The following NHLRC2 variants were observed in gnomAD, a reference collection of about 807,000 sequenced individuals.
The protein encoded by NHLRC2 is NHL repeat-containing protein 2.
NHLRC2 carries 33 observed loss-of-function variants against 68.1 expected under a neutral mutation model. That is an observed-to-expected ratio of 0.48 (90% CI 0.37 to 0.65). The LOEUF (loss-of-function observed/expected upper bound fraction) is 0.65. NHLRC2 is among the 30% of genes least tolerant of loss of function. NHLRC2 has a pLI of 0.00. For synonymous variants in NHLRC2, 311 were observed against 309.6 expected, an observed-to-expected ratio of 1.00 and a Z score of -0.05; for missense variants, 761 against 853.8, an observed-to-expected ratio of 0.89 and a Z score of 1.35.
intron 2 of NHLRC2, among the ~76,000 whole-genome samples, chr10:113,863,443 C>CTT (rs2134690778): frequency 6.6e-6 from 1 of 152,030 alleles, no homozygotes; most frequent in South Asian, 2.1e-4. Flanking sequence ...TGTAACAAAA[C>CTT]TTATGGCACA....
Position 113,876,981 on chromosome 10 carries a change from A to C in NHLRC2, c.787+5A>C. 6.5e-7 allele frequency: 1 copy of C among 1,537,718 alleles called. No homozygotes were observed. Among genetic ancestry groups the C allele is most frequent in the Non-Finnish European group, 8.8e-7 (1 of 1,139,378 alleles). ...AAATTCAATATAGCATTGGAGGTAA[A>C]ACTTGCTTCTGATTACGATAGATAA... is the stretch of plus-strand genomic sequence containing the variant. On this transcript the variant is annotated splice_donor_5th_base_variant and intron_variant, in intron 3 of 10. Transcript: ENST00000369301.
rs528465588 is a variant in NHLRC2, at chr10:113,896,588, GC to G, written c.1040-1521del. On this transcript the variant is annotated intron_variant, in intron 5 of 10. Transcript: ENST00000369301. ...GCTAGATGATGAGTTAGTGGGTGCAGCGCACCAGCATGGCACATGTATACAA... is the reference window on the plus strand; with the variant it reads ...GCTAGATGATGAGTTAGTGGGTGCAGGCACCAGCATGGCACATGTATACAA... 2.6e-3 allele frequency among the ~76,000 whole-genome samples: 401 copies of G among 152,062 alleles called. 2 individuals carry two copies. The highest frequency in any genetic ancestry group is 9.3e-3 in the African/African-American group (385 of 41,464).
At chr10:113,864,725 A>C (rs1202230858) in intron 2 of NHLRC2, among the ~76,000 whole-genome samples, 5 of 151,772 alleles carry the variant, frequency 3.3e-5, no homozygotes, top group African/African-American at 7.3e-5. Context: ...CACACACACA[A>C]AAATGGGTTT....
chr10:113,898,292 G>A (rs1403862506), intron 6 of NHLRC2, 83 bp downstream of exon 6: 1 of 841,684 alleles, frequency 1.2e-6, no homozygotes, highest in Non-Finnish European at 2.0e-6. Flanking sequence ...CATCCTCACT[G>A]TACCAGTCAG....
chr10:113,908,564 C>A lies in NHLRC2; in HGVS notation c.*28C>A. ...AGCCAGCTAGCTAGCAACCCATTGC[C>A]ACCACCTACTGTCTCCCATCCTGAC... On this transcript the variant is annotated 3_prime_UTR_variant, in exon 11 of 11. Transcript: ENST00000369301. The A allele has an allele frequency of 6.2e-7, 1 of 1,611,362 alleles. No homozygotes were observed. The highest frequency in any genetic ancestry group is 1.1e-5 in the South Asian group (1 of 90,878).
At chr10:113,858,489 T>C (rs1263591606) in intron 1 of NHLRC2, 39 bp from the exon 2 acceptor site, 1 of 1,438,812 alleles carries the variant, frequency 7.0e-7, no homozygotes, top group Non-Finnish European at 9.6e-7. Context: ...ATTTTATCTT[T>C]CTCTTTAATC....
At chr10:113,898,413 C>G (rs536540175) in intron 6 of NHLRC2, among the ~76,000 whole-genome samples, 45 of 152,326 alleles carry the variant, frequency 3.0e-4, no homozygotes, top group Admixed American at 1.9e-3. Context: ...TCCTCTGTTG[C>G]CCAGGCTGAT....
intron 2 of NHLRC2, among the ~76,000 whole-genome samples, chr10:113,860,572 G>A (rs1166329763): frequency 2.0e-5 from 3 of 151,902 alleles, no homozygotes; most frequent in Admixed American, 1.3e-4. Context: ...AAAATAAACC[G>A]ATAGAAATTG....
At position 113,854,846 on chromosome 10, in the gene NHLRC2, C is replaced by A; in HGVS notation, c.-27C>A. ...CAGCGAGACTCTCCCGCGGGCCCGGCGGCCGCATCGGGAGCCCGGCGGAAA... is the reference window on the plus strand; with the variant it reads ...CAGCGAGACTCTCCCGCGGGCCCGGAGGCCGCATCGGGAGCCCGGCGGAAA... On this transcript the variant is annotated 5_prime_UTR_variant, in exon 1 of 11. Coordinates refer to ENST00000369301, the MANE Select transcript of NHLRC2 (RefSeq NM_198514.4). 6.5e-7 allele frequency: 1 copy of A among 1,527,440 alleles called. No homozygotes were observed. The highest frequency in any genetic ancestry group is 1.2e-5 in the South Asian group (1 of 81,622). 94.6% of individuals were successfully genotyped at this position (1,527,440 alleles called of 1,614,324 possible).
rs554461099 is a variant in NHLRC2 at position 113,900,135 on chromosome 10, G to A, written c.1140-1531G>A. ...ACACTGTGCCTTGTGAGTACTTTTAGGGATCTGAATATTCTACAAGCCTTT... is the reference window on the plus strand; with the variant it reads ...ACACTGTGCCTTGTGAGTACTTTTAAGGATCTGAATATTCTACAAGCCTTT... On this transcript the variant is annotated intron_variant, in intron 6 of 10. Transcript: ENST00000369301. Among the ~76,000 whole-genome samples, 548 of 152,202 alleles carry A rather than the reference G, an allele frequency of 3.6e-3. 2 individuals carry two copies. Among genetic ancestry groups the A allele is most frequent in the Middle Eastern group, 6.8e-3 (2 of 294 alleles).
At chr10:113,889,734 G>A (rs558109616) in intron 5 of NHLRC2, among the ~76,000 whole-genome samples, 17 of 151,938 alleles carry the variant, frequency 1.1e-4, no homozygotes, top group Non-Finnish European at 5.9e-5. Context: ...GTCTCCCCCC[G>A]CCATCACCAC....
intron 2 of NHLRC2, among the ~76,000 whole-genome samples, chr10:113,862,487 A>C (rs1449942273): frequency 2.0e-5 from 3 of 150,442 alleles, no homozygotes; most frequent in Middle Eastern, 3.4e-3. Flanking sequence ...AACTAAACAA[A>C]AAAAAAAACA....
At chr10:113,882,243 T>C (rs1038358073) in intron 4 of NHLRC2, among the ~76,000 whole-genome samples, 8 of 151,854 alleles carry the variant, frequency 5.3e-5, no homozygotes, top group East Asian at 1.9e-4. Flanking sequence ...TGTAGAGTTA[T>C]ATGTTTTATG....
rs1846321759 is a variant in NHLRC2, at chr10:113,910,840, T to G, written c.*2304T>G. 6.6e-6 allele frequency: 1 copy of G among 152,222 alleles called. No individual in the cohort carries two copies. Among genetic ancestry groups the G allele is most frequent in the Admixed American group, 6.5e-5 (1 of 15,288 alleles). 9.4% of individuals were successfully genotyped at this position (152,222 alleles called of 1,614,324 possible). A position where few individuals can be genotyped will look rare whatever the true frequency, so the allele number is the denominator to read the frequency against. On this transcript the variant is annotated 3_prime_UTR_variant, in exon 11 of 11. Coordinates refer to ENST00000369301, the MANE Select transcript of NHLRC2 (RefSeq NM_198514.4). ...CAAAATACAGTTTTATTGAACATTC[T>G]TATTCTTACCCACTGCCAGTCTGCA... is the stretch of plus-strand genomic sequence containing the variant.
At chr10:113,896,631 C>T (rs549686113) in intron 5 of NHLRC2, among the ~76,000 whole-genome samples, 4 of 151,410 alleles carry the variant, frequency 2.6e-5, no homozygotes, top group Admixed American at 1.3e-4. Context: ...CTAACCTGCA[C>T]GTTGTGCACA....
chr10:113,899,376 A>G (rs566431384), intron 6 of NHLRC2, among the ~76,000 whole-genome samples: 21 of 152,358 alleles, frequency 1.4e-4, no homozygotes, highest in Non-Finnish European at 2.5e-4. Flanking sequence ...CTGCTTTTAT[A>G]TAGATCCTTC....
chr10:113,893,163 G>A (rs780850307), intron 5 of NHLRC2, among the ~76,000 whole-genome samples: 24 of 152,082 alleles, frequency 1.6e-4, no homozygotes, highest in African/African-American at 4.1e-4. Context: ...TATGCATCCC[G>A]GAGTAGGAGG....
At chr10:113,892,805 C>T (rs1846144702) in intron 5 of NHLRC2, among the ~76,000 whole-genome samples, 1 of 152,134 alleles carries the variant, frequency 6.6e-6, no homozygotes, top group Non-Finnish European at 1.5e-5. Flanking sequence ...AGTTGTGTGA[C>T]TTTGGACAAG....
intron 1 of NHLRC2, among the ~76,000 whole-genome samples, chr10:113,856,649 T>C (rs2134682854): frequency 6.6e-6 from 1 of 152,238 alleles, no homozygotes; most frequent in South Asian, 2.1e-4. Flanking sequence ...TTACAGGGAG[T>C]GTATTTTATT....
Sources: gnomAD v4.1 joint callset for allele counts (sites outside exome capture counted in the v4.1 genomes callset) on GRCh38, gnomAD v4.1.1 for gene constraint, MANE v1.5 for transcripts, NCBI Gene and HGNC (gene_info 2026-07-23, HGNC 2026-07-21) for gene names.